The following GALNT13 variants were observed in gnomAD, a reference collection of about 807,000 sequenced individuals.
GALNT13 encodes the protein UDP-GalNAc:polypeptide N-acetylgalactosaminyltransferase 13.
A neutral mutation model predicts 64.2 loss-of-function variants in GALNT13; 28 were observed. The ratio of observed to expected loss-of-function variants is 0.44; its 90% confidence interval spans 0.32 to 0.60. The LOEUF (loss-of-function observed/expected upper bound fraction) is 0.60. Among genes scored for constraint, GALNT13 ranks in the 20% least tolerant of loss-of-function variants. GALNT13 has a pLI of 0.05. For missense variants in GALNT13, 577 were observed against 669.8 expected (o/e 0.86, Z 1.53); for synonymous variants, 214 against 224.6 (o/e 0.95, Z 0.42).
At chr2:153,308,454 T>A in the GALNT13 span, among the ~76,000 whole-genome samples, 15 of 152,320 alleles carry the variant, frequency 9.8e-5, no homozygotes, top group Admixed American at 9.8e-4. Context: ...AACCACCTTC[T>A]ACTTCCATTT....
the GALNT13 span, among the ~76,000 whole-genome samples, chr2:153,220,145 C>T: frequency 1.3e-5 from 2 of 152,132 alleles, no homozygotes; most frequent in Non-Finnish European, 2.9e-5. Context: ...GGGCACTAAA[C>T]AAAGATTGGC....
At chr2:153,946,862 T>C (rs1262102770) in intron 3 of GALNT13, among the ~76,000 whole-genome samples, 1 of 152,164 alleles carries the variant, frequency 6.6e-6, no homozygotes, top group Non-Finnish European at 1.5e-5. Flanking sequence ...CATTTTCAGT[T>C]GTCACTTGTT....
chr2:153,187,330 A>G, the GALNT13 span: 1 of 152,114 alleles, frequency 6.6e-6, no homozygotes, highest in Non-Finnish European at 1.5e-5. Context: ...CTGGGTGTTC[A>G]CCTCTGATTC....
intron 3 of GALNT13, among the ~76,000 whole-genome samples, chr2:153,965,314 G>A (rs940945939): frequency 2.0e-5 from 3 of 151,924 alleles, no homozygotes; most frequent in African/African-American, 7.3e-5. Context: ...GTGTATTTTT[G>A]TACTCATTAA....
At chr2:154,383,078 T>C (rs1050430479) in intron 9 of GALNT13, among the ~76,000 whole-genome samples, 1 of 151,884 alleles carries the variant, frequency 6.6e-6, no homozygotes, top group Non-Finnish European at 1.5e-5. Flanking sequence ...ATGCTGCTCA[T>C]TGAAAAGACA....
the GALNT13 span, among the ~76,000 whole-genome samples, chr2:153,493,498 G>A: frequency 6.6e-6 from 1 of 151,652 alleles, no homozygotes; most frequent in African/African-American, 2.4e-5. Flanking sequence ...AAATCAAAAA[G>A]CCTTCTTACT....
chr2:154,419,078 G>A (rs1700144176), intron 11 of GALNT13, among the ~76,000 whole-genome samples: 1 of 152,036 alleles, frequency 6.6e-6, no homozygotes, highest in Non-Finnish European at 1.5e-5. Context: ...AATATTAAAT[G>A]ATAATGGCTC....
chr2:153,408,553 G>T, the GALNT13 span, among the ~76,000 whole-genome samples: 1 of 152,220 alleles, frequency 6.6e-6, no homozygotes, highest in African/African-American at 2.4e-5. Context: ...TCACTGGCTT[G>T]CTCCCACCAC....
At chr2:153,457,292 A>G in the GALNT13 span, among the ~76,000 whole-genome samples, 1 of 152,376 alleles carries the variant, frequency 6.6e-6, no homozygotes, top group South Asian at 2.1e-4. Context: ...CTCAAAATGT[A>G]TAAGTTACTG....
chr2:153,263,142 T>C, the GALNT13 span, among the ~76,000 whole-genome samples: 12 of 151,932 alleles, frequency 7.9e-5, no homozygotes, highest in Non-Finnish European at 1.5e-4. Flanking sequence ...AGCATTCCTA[T>C]ACCCCAAAAA....
At chr2:153,727,126 G>A in the GALNT13 span, among the ~76,000 whole-genome samples, 2 of 152,058 alleles carry the variant, frequency 1.3e-5, no homozygotes, top group Admixed American at 6.6e-5. Context: ...GTTATTGGAT[G>A]TAGACTTTCA....
At chr2:153,984,929 T>G (rs1694695338) in intron 3 of GALNT13, among the ~76,000 whole-genome samples, 1 of 151,886 alleles carries the variant, frequency 6.6e-6, no homozygotes, top group African/African-American at 2.4e-5. Flanking sequence ...TACAAGGAGT[T>G]CTGTGATAAA....
the GALNT13 span, among the ~76,000 whole-genome samples, chr2:153,334,142 G>C: frequency 6.6e-6 from 1 of 152,128 alleles, no homozygotes; most frequent in Non-Finnish European, 1.5e-5. Flanking sequence ...AACAAAAAAA[G>C]AAATGAGAAA....
At chr2:153,481,088 A>G in the GALNT13 span, among the ~76,000 whole-genome samples, 2 of 152,110 alleles carry the variant, frequency 1.3e-5, no homozygotes, top group African/African-American at 4.8e-5. Context: ...TTAGTCACAA[A>G]ATTGTTGACA....
At chr2:154,164,613 G>A (rs1442118333) in intron 4 of GALNT13, among the ~76,000 whole-genome samples, 2 of 152,070 alleles carry the variant, frequency 1.3e-5, no homozygotes, top group Non-Finnish European at 2.9e-5. Context: ...GAATTGTTAT[G>A]TTAAGTTAAA....
At chr2:154,058,896 T>C (rs906657012) in intron 3 of GALNT13, among the ~76,000 whole-genome samples, 1 of 152,184 alleles carries the variant, frequency 6.6e-6, no homozygotes, top group Non-Finnish European at 1.5e-5. Context: ...CTGACTACTG[T>C]ATTATGAATA....
the GALNT13 span, among the ~76,000 whole-genome samples, chr2:153,230,190 G>A: frequency 6.6e-6 from 1 of 152,180 alleles, no homozygotes; most frequent in Non-Finnish European, 1.5e-5. Context: ...GTACCATTTT[G>A]GGAACAGAGA....
the GALNT13 span, among the ~76,000 whole-genome samples, chr2:153,154,093 C>T: frequency 5.9e-5 from 9 of 151,990 alleles, no homozygotes. Context: ...TTGTGGTTCT[C>T]CCTGTAGAGA....
At chr2:153,136,638 T>A in the GALNT13 span, among the ~76,000 whole-genome samples, 1 of 152,154 alleles carries the variant, frequency 6.6e-6, no homozygotes, top group African/African-American at 2.4e-5. Context: ...GGAAAATTTT[T>A]AATTAACATC....
Sources: allele counts gnomAD v4.1 joint callset (sites outside exome capture counted in the v4.1 genomes callset), GRCh38; gene constraint gnomAD v4.1.1; transcripts MANE v1.5; gene names NCBI Gene and HGNC (gene_info 2026-07-23, HGNC 2026-07-21).